The following MYO3B variants were observed in gnomAD, a reference collection of about 807,000 sequenced individuals.
MYO3B encodes the protein myosin IIIB.
A neutral mutation model predicts 174.6 loss-of-function variants in MYO3B; 156 were observed. The ratio of observed to expected loss-of-function variants is 0.89; its 90% confidence interval spans 0.78 to 1.02. The LOEUF (loss-of-function observed/expected upper bound fraction) is 1.02, where lower values mean the gene tolerates loss of function less well. Among genes scored for constraint, MYO3B ranks in the 50% least tolerant of loss-of-function variants. The pLI is 0.00. For synonymous variants in MYO3B, 563 were observed against 569.1 expected, an observed-to-expected ratio of 0.99 and a Z score of 0.15; for missense variants, 1,632 against 1,639.4, an observed-to-expected ratio of 1.00 and a Z score of 0.08.
At chr2:170,239,944 C>T (rs1460477733) in intron 7 of MYO3B, among the ~76,000 whole-genome samples, 1 of 152,160 alleles carries the variant, frequency 6.6e-6, no homozygotes, top group Non-Finnish European at 1.5e-5. Flanking sequence ...AGTAAGAATC[C>T]GTCTTTGCCT....
intron 30 of MYO3B, among the ~76,000 whole-genome samples, chr2:170,537,590 G>C (rs910624394): frequency 1.3e-5 from 2 of 149,694 alleles, no homozygotes; most frequent in Non-Finnish European, 3.0e-5. Flanking sequence ...GGGACTACAA[G>C]GGCATGCCAC....
chr2:170,558,241 C>T (rs13433060), intron 32 of MYO3B, among the ~76,000 whole-genome samples: 1,892 of 151,110 alleles, frequency 0.013, 41 homozygotes, highest in African/African-American at 0.043. Context: ...GCGGAGCTTG[C>T]GGTGAGCTGA....
At chr2:170,449,474 A>G (rs1353150643) in intron 23 of MYO3B, among the ~76,000 whole-genome samples, 1 of 152,190 alleles carries the variant, frequency 6.6e-6, no homozygotes, top group Non-Finnish European at 1.5e-5. Flanking sequence ...TGTTCTAAAT[A>G]ACTCAAAAAA....
At position 170,410,234 on chromosome 2, in the gene MYO3B, C is replaced by T. The variant is rs577771012; in HGVS notation, c.2650+2390C>T. ...ATATTATGGTCAATTACTTTACAAACCTCTTTTGAGGAATGAACTACAGGG... is the reference window on the plus strand; with the variant it reads ...ATATTATGGTCAATTACTTTACAAATCTCTTTTGAGGAATGAACTACAGGG... On this transcript the variant is annotated intron_variant, in intron 22 of 34. Coordinates refer to ENST00000408978, the MANE Select transcript of MYO3B (RefSeq NM_138995.5). Among the ~76,000 whole-genome samples the T allele has an allele frequency of 1.3e-4, 20 of 152,170 alleles. No homozygotes were observed. In the South Asian group the frequency reaches 3.9e-3, roughly 30 times the overall value.
chr2:170,474,838 C>CA (rs961032336), intron 25 of MYO3B, among the ~76,000 whole-genome samples: 9 of 133,816 alleles, frequency 6.7e-5, no homozygotes, highest in African/African-American at 2.2e-4. Flanking sequence ...GAATAAATGA[C>CA]AACAGTTCAG....
At chr2:170,585,511 C>A (rs1190308027) in intron 32 of MYO3B, among the ~76,000 whole-genome samples, 2 of 152,158 alleles carry the variant, frequency 1.3e-5, no homozygotes, top group African/African-American at 4.8e-5. Flanking sequence ...GCAGAACCAT[C>A]CTCAATTTTT....
chr2:170,382,822 G>T, intron 10 of MYO3B: 1 of 304,270 alleles, frequency 3.3e-6, no homozygotes, highest in Non-Finnish European at 6.1e-6. Flanking sequence ...ATCTTTGTTG[G>T]ATATCTCAGT....
rs777267370 is a variant in MYO3B at position 170,214,775 on chromosome 2, A to T, written c.473A>T (p.Lys158Met). ...HNNRIIHRDV[K>M]GNNILLTTEG... is the part of the protein sequence containing the mutation. ...AACCGAATCATCCACCGTGATGTGA[A>T]GGGGAATAACATTCTTCTGACAACA... Residue 158 changes from lysine to methionine, a missense_variant, in exon 5 of 35, where the codon AAG becomes ATG. By Grantham distance (95) the Lys-to-Met change is moderately conservative. Coordinates refer to ENST00000408978, the MANE Select transcript of MYO3B (RefSeq NM_138995.5). The T allele has an allele frequency of 5.6e-6, 9 of 1,613,940 alleles. No individual in the cohort carries two copies. Among genetic ancestry groups the T allele is most frequent in the Admixed American group, 3.3e-5 (2 of 59,988 alleles).
chr2:170,640,772 G>A (rs1697894734), intron 32 of MYO3B: 1 of 152,006 alleles, frequency 6.6e-6, no homozygotes, highest in Non-Finnish European at 1.5e-5. Flanking sequence ...TAGCACAAGT[G>A]TGATGATACC....
rs1050412294 is a variant in MYO3B at position 170,423,068 on chromosome 2, G to GC, written c.2650+15230dup. The stretch of plus-strand genomic sequence containing the variant: ...ATGATCTCAGCTCACTGCAACCTCC[G>GC]CCCCCCAGGTTCAAGTGATTCTCCT... On this transcript the variant is annotated intron_variant, in intron 22 of 34. Coordinates refer to ENST00000408978, the MANE Select transcript of MYO3B (RefSeq NM_138995.5). Among the ~76,000 whole-genome samples, 36 of 129,046 alleles carry GC rather than the reference G, an allele frequency of 2.8e-4. 1 individual carries two copies. The highest frequency in any genetic ancestry group is 0.01 in the Middle Eastern group (2 of 192). 84.7% of individuals were successfully genotyped at this position (129,046 alleles called of 152,430 possible). A position where few individuals can be genotyped will look rare whatever the true frequency, so the allele number is the denominator to read the frequency against.
chr2:170,466,853 T>A, intron 25 of MYO3B, 142 bp downstream of exon 25: 2 of 846,720 alleles, frequency 2.4e-6, no homozygotes, highest in East Asian at 2.7e-5. Flanking sequence ...CTTGCTTGAA[T>A]GTTGCATTTT....
chr2:170,370,923 A>C (rs10165945), intron 9 of MYO3B, among the ~76,000 whole-genome samples: 32,028 of 151,254 alleles, frequency 0.21, 3,549 homozygotes, highest in Middle Eastern at 0.31. Context: ...TTTTTTTCAA[A>C]AAGAAAAAGA....
chr2:170,372,098 A>G (rs1235560624), intron 9 of MYO3B, among the ~76,000 whole-genome samples: 3 of 140,116 alleles, frequency 2.1e-5, no homozygotes, highest in Non-Finnish European at 4.6e-5. Flanking sequence ...CAGCCTGGGC[A>G]ACAGAGTGAG....
intron 16 of MYO3B, among the ~76,000 whole-genome samples, chr2:170,396,030 C>T (rs2094440637): frequency 6.6e-6 from 1 of 152,218 alleles, no homozygotes; most frequent in Non-Finnish European, 1.5e-5. Flanking sequence ...GCTCTTTCTT[C>T]CCCACTGTTG....
chr2:170,560,691 G>A (rs573516163), intron 32 of MYO3B, among the ~76,000 whole-genome samples: 13 of 152,268 alleles, frequency 8.5e-5, no homozygotes, highest in East Asian at 5.8e-4. Flanking sequence ...CAAAGGAGCC[G>A]TTTTTATGCC....
At chr2:170,611,863 C>T (rs73976207) in intron 32 of MYO3B, among the ~76,000 whole-genome samples, 7,796 of 152,160 alleles carry the variant, frequency 0.051, 659 homozygotes, top group African/African-American at 0.17. Flanking sequence ...CAGGGTTTTT[C>T]CTCCTGTGTG....
At chr2:170,237,586 C>T (rs2093085660) in intron 7 of MYO3B, among the ~76,000 whole-genome samples, 1 of 152,018 alleles carries the variant, frequency 6.6e-6, no homozygotes, top group Non-Finnish European at 1.5e-5. Flanking sequence ...CTATTGACTC[C>T]ACTTAGCTTG....
intron 25 of MYO3B, among the ~76,000 whole-genome samples, chr2:170,468,495 C>T (rs931301704): frequency 1.3e-5 from 2 of 152,146 alleles, no homozygotes; most frequent in Non-Finnish European, 2.9e-5. Context: ...TCCCAAATTA[C>T]CCAAGTCTGC....
At position 170,365,778 on chromosome 2, in the gene MYO3B, G is replaced by A. The variant is rs528204210; in HGVS notation, c.816-3444G>A. On this transcript the variant is annotated intron_variant, in intron 8 of 34. Transcript: ENST00000408978. The stretch of plus-strand genomic sequence containing the variant: ...CAGGTTCAGTTGTGCTGATCCTGTG[G>A]TATGATGGTATATGGTAGACACACC... 6.6e-5 allele frequency among the ~76,000 whole-genome samples: 10 copies of A among 152,184 alleles called. No homozygotes were observed. In the South Asian group the frequency reaches 2.1e-3, roughly 32 times the overall value.
Sources: allele counts gnomAD v4.1 joint callset (sites outside exome capture counted in the v4.1 genomes callset), GRCh38; gene constraint gnomAD v4.1.1; transcripts MANE v1.5; gene names NCBI Gene and HGNC (gene_info 2026-07-23, HGNC 2026-07-21).